BRD3: variants seen among roughly 807,000 people sequenced by gnomAD.
BRD3 encodes bromodomain-containing protein 3.
BRD3 carries 17 observed loss-of-function variants against 66.8 expected under a neutral mutation model. The ratio of observed to expected loss-of-function variants is 0.25; its 90% confidence interval spans 0.17 to 0.38. The LOEUF is 0.38. Ranked by LOEUF, BRD3 falls within the 10% of genes least tolerant of loss-of-function variation. The pLI, the probability that BRD3 is intolerant of heterozygous loss-of-function variation, is 1.00. For missense variants in BRD3, 713 were observed against 956.1 expected (o/e 0.75, Z 3.35); for synonymous variants, 421 against 393.2 (o/e 1.07, Z -0.84).
intron 9 of BRD3, among the ~76,000 whole-genome samples, chr9:134,039,716 G>A (rs1829998445): frequency 6.6e-6 from 1 of 152,172 alleles, no homozygotes; most frequent in Non-Finnish European, 1.5e-5. Context: ...TCCAAAACGG[G>A]GCGTTCAACT....
intron 6 of BRD3, 190 bp downstream of exon 6, chr9:134,047,893 C>T (rs774220293): frequency 5.4e-5 from 38 of 701,274 alleles, no homozygotes; most frequent in African/African-American, 9.1e-5. Context: ...GACCCACAGG[C>T]AGAGCACGCC....
chr9:134,051,479 G>A, intron 4 of BRD3, 83 bp downstream of exon 4: 9 of 1,366,964 alleles, frequency 6.6e-6, no homozygotes, highest in Non-Finnish European at 8.6e-6. Flanking sequence ...CAGCTCAGAT[G>A]GCTAAAGGAT....
At chr9:134,055,156 T>C (rs1830390848) in intron 1 of BRD3, among the ~76,000 whole-genome samples, 1 of 152,088 alleles carries the variant, frequency 6.6e-6, no homozygotes, top group Non-Finnish European at 1.5e-5. Flanking sequence ...CCACCACCAC[T>C]TGCAAGGATT....
rs1238003267 is a variant in BRD3 at position 134,048,231 on chromosome 9, C to T, written c.938G>A (p.Arg313His). The T allele has an allele frequency of 1.2e-5, 20 of 1,612,570 alleles. No individual in the cohort carries two copies. The highest frequency in any genetic ancestry group is 1.6e-4 in the Middle Eastern group (1 of 6,068). ...CTCCCTGAGGATGCTGTCGCAGTAG[C>T]GTAGGTGCTCCGACAGCTTGCCCTT... is the stretch of plus-strand genomic sequence containing the variant. ...GKKGKLSEHL[R>H]YCDSILREML... Residue 313 changes from arginine to histidine, a missense_variant, in exon 6 of 12, where the codon CGC becomes CAC. By Grantham distance (29) the Arg-to-His change is conservative (BLOSUM62 0). Transcript: ENST00000303407.
rs1161359263 is a variant in BRD3, at chr9:134,033,868, C to T, written c.2066-163G>A. ...TATTTATTGAAATTAATCAGGTCAA[C>T]AAGACTATCTGAATATACTTGAGAC... is the stretch of plus-strand genomic sequence containing the variant. On this transcript the variant is annotated intron_variant, in intron 11 of 11. Coordinates refer to ENST00000303407, the MANE Select transcript of BRD3 (RefSeq NM_007371.4). The surrounding 1 kb of genome is among the most constrained non-coding windows in gnomAD (Gnocchi z 5.1). 6.6e-6 allele frequency among the ~76,000 whole-genome samples: 1 copy of T among 151,872 alleles called. No homozygotes were observed. The highest frequency in any genetic ancestry group is 1.5e-5 in the Non-Finnish European group (1 of 67,812).
At chr9:134,034,568 A>G (rs1843568593) in intron 11 of BRD3, 133 bp downstream of exon 11, 1 of 1,282,478 alleles carries the variant, frequency 7.8e-7, no homozygotes, top group African/African-American at 1.5e-5. Flanking sequence ...GGAGCTCAAG[A>G]GCTCGTCTAA....
rs764701820 is a variant in BRD3, at chr9:134,036,281, A to AGTC, written c.1684_1686dup (p.Asp562dup). The stretch of plus-strand genomic sequence containing the variant: ...GGCAGGCCCTCCTCCTCTTCCTCTG[A>AGTC]GTCGTAGGAGGCAGATGCCTGCTTG... On this transcript the variant is annotated inframe_insertion, in exon 10 of 12. Transcript: ENST00000303407. The AGTC allele has an allele frequency of 1.9e-6, 3 of 1,612,592 alleles. No individual in the cohort carries two copies. Among genetic ancestry groups the AGTC allele is most frequent in the Non-Finnish European group, 2.5e-6 (3 of 1,179,228 alleles).
chr9:134,048,364 C>G lies in BRD3; in HGVS notation c.805G>C (p.Asp269His), dbSNP rs1216701885. The G allele has an allele frequency of 6.3e-7, 1 of 1,598,992 alleles. No homozygotes were observed. Among genetic ancestry groups the G allele is most frequent in the Admixed American group, 1.7e-5 (1 of 60,002 alleles). ...GCCACCACTTTGGCCTGCTTGGGGT[C>G]TGACAACGGCGGGGGCGACTCACTC... ...SRSESPPPLS[D>H]PKQAKVVARR... The change falls in exon 6 of 12, where the codon GAC becomes CAC. Residue 269 changes from aspartate (D) to histidine (H), a missense_variant. Asp to His is a moderately conservative substitution (Grantham distance 81). This residue lies in a region of BRD3 where 418 missense variants were observed against 609.3 expected (regional missense o/e 0.69). Coordinates refer to ENST00000303407, the MANE Select transcript of BRD3 (RefSeq NM_007371.4).
At position 134,063,960 on chromosome 9, in the gene BRD3, CGGCAAGGAGGGGGGCGGG is replaced by C. The variant is rs537318436; in HGVS notation, c.-114+3967_-114+3984del. 2.2e-4 allele frequency among the ~76,000 whole-genome samples: 34 copies of C among 152,244 alleles called. No individual in the cohort carries two copies. The South Asian group carries it at 6.8e-3, about 31-fold the overall frequency. On this transcript the variant is annotated intron_variant, in intron 1 of 11. Coordinates refer to ENST00000303407, the MANE Select transcript of BRD3 (RefSeq NM_007371.4). ...ACGAACTCAGTACCTTGGGGGCCTG[CGGCAAGGAGGGGGGCGGG>C]GGCATGTTCCACGCCCCATCTTCCC...
chr9:134,045,551 C>T lies in BRD3; in HGVS notation c.1087-130G>A. On this transcript the variant is annotated intron_variant, in intron 6 of 11. Transcript: ENST00000303407. This position sits in a 1 kb window ranked among gnomAD's most constrained non-coding sequence, Gnocchi z 4.8. ...TCCAGGGCAGTGCCTACTGGCCTGG[C>T]CGGCAGGACACCCCAGCTCTCTGGG... 2 of 1,329,128 alleles carry T rather than the reference C, an allele frequency of 1.5e-6. No individual in the cohort carries two copies. The highest frequency in any genetic ancestry group is 2.7e-5 in the South Asian group (2 of 74,602). 82.3% of individuals were successfully genotyped at this position (1,329,128 alleles called of 1,614,324 possible).
At chr9:134,056,697 C>A in intron 1 of BRD3, 1 of 152,530 alleles carries the variant, frequency 6.6e-6, no homozygotes, top group Non-Finnish European at 1.5e-5. Context: ...CAGGAGGAGA[C>A]CAGGAGGCGA....
chr9:134,040,504 C>T (rs1462603339), intron 8 of BRD3, among the ~76,000 whole-genome samples: 1 of 152,182 alleles, frequency 6.6e-6, no homozygotes, highest in Non-Finnish European at 1.5e-5. Context: ...GCTGCCTGGC[C>T]ACAGGCTCAG....
intron 1 of BRD3, among the ~76,000 whole-genome samples, chr9:134,062,155 G>T (rs2132454596): frequency 6.6e-6 from 1 of 152,248 alleles, no homozygotes; most frequent in East Asian, 1.9e-4. Context: ...TGGGCATCGT[G>T]GGCCCCACCC....
chr9:134,038,138 A>G (rs1189935108), intron 9 of BRD3, among the ~76,000 whole-genome samples: 1 of 152,194 alleles, frequency 6.6e-6, no homozygotes, highest in Non-Finnish European at 1.5e-5. Context: ...GAAGAGGGGC[A>G]ACACCTTTCA....
At chr9:134,034,653 A>G (rs1554827152) in intron 11 of BRD3, 48 bp downstream of exon 11, 5 of 1,594,902 alleles carry the variant, frequency 3.1e-6, no homozygotes, top group Admixed American at 1.7e-5. Context: ...TACTGCTGAC[A>G]CCCCCCACCC....
intron 9 of BRD3, 78 bp downstream of exon 9, chr9:134,039,956 C>G (rs1032671550): frequency 4.6e-6 from 7 of 1,512,308 alleles, no homozygotes; most frequent in Non-Finnish European, 6.2e-6. Flanking sequence ...AGCCCCCAAT[C>G]CCAGCACTGC....
chr9:134,036,327 G>A lies in BRD3; in HGVS notation c.1644-3C>T, dbSNP rs372872403. 6.9e-6 allele frequency: 11 copies of A among 1,597,562 alleles called. No homozygotes were observed. The highest frequency in any genetic ancestry group is 9.4e-6 in the Non-Finnish European group (11 of 1,171,358). On this transcript the variant is annotated splice_region_variant and splice_polypyrimidine_tract_variant and intron_variant, in intron 9 of 11. Coordinates refer to ENST00000303407, the MANE Select transcript of BRD3 (RefSeq NM_007371.4). ...GCTTGCCGCCTTTCTTCAGCTGTCT[G>A]GGGCAGGAGACAGAGCAACGTGGTG...
intron 9 of BRD3, among the ~76,000 whole-genome samples, chr9:134,036,990 G>A (rs1053685749): frequency 4.0e-5 from 6 of 151,618 alleles, no homozygotes; most frequent in Admixed American, 6.6e-5. Context: ...CAGCCTGGGC[G>A]ACAGATCGAG....
At chr9:134,055,218 T>C (rs1422273089) in intron 1 of BRD3, among the ~76,000 whole-genome samples, 1 of 152,150 alleles carries the variant, frequency 6.6e-6, no homozygotes, top group African/African-American at 2.4e-5. Context: ...AAGGACCGCC[T>C]AGCCCGCACC....
Sources: allele counts gnomAD v4.1 joint callset (sites outside exome capture counted in the v4.1 genomes callset), GRCh38; gene constraint gnomAD v4.1.1; regional missense constraint gnomAD v4.1.1; non-coding constraint Gnocchi (gnomAD v3.1); transcripts MANE v1.5; gene names NCBI Gene and HGNC (gene_info 2026-07-23, HGNC 2026-07-21).